The following CALM2 variants were observed in gnomAD, a reference collection of about 807,000 sequenced individuals.
CALM2 encodes calmodulin 2.
In CALM2, 2 loss-of-function variants were observed where a neutral mutation model predicts 19.8. The observed-to-expected ratio is 0.10, with a 90% CI of 0.04 to 0.32. CALM2 has a LOEUF of 0.32. Ranked by LOEUF, CALM2 falls within the 10% of genes least tolerant of loss-of-function variation. CALM2 has a pLI of 1.00. For missense variants in CALM2, 38 were observed against 178.7 expected, an observed-to-expected ratio of 0.21 and a Z score of 4.49; for synonymous variants, 51 against 52.1, an observed-to-expected ratio of 0.98 and a Z score of 0.09.
chr2:47,166,662 A>C (rs958535420), intron 2 of CALM2, among the ~76,000 whole-genome samples: 2 of 151,984 alleles, frequency 1.3e-5, no homozygotes, highest in Admixed American at 1.3e-4. Flanking sequence ...AAAATAATAA[A>C]CCCCAAAGTA....
chr2:47,174,740 CCTT>C lies in CALM2; in HGVS notation c.3+1698_3+1700del, dbSNP rs1666790740. Among the ~76,000 whole-genome samples the C allele has an allele frequency of 3.3e-5, 5 of 151,750 alleles. No homozygotes were observed. In the South Asian group the frequency reaches 1.0e-3, roughly 32 times the overall value. ...CAAAACTGATTAAAGAAAACTTTAC[CCTT>C]CGTTTATTTAAAAAAAAAAGCTTAC... On this transcript the variant is annotated intron_variant, in intron 1 of 5. Transcript: ENST00000272298.
At chr2:47,168,190 A>G (rs974550700) in intron 2 of CALM2, among the ~76,000 whole-genome samples, 1 of 152,152 alleles carries the variant, frequency 6.6e-6, no homozygotes, top group Non-Finnish European at 1.5e-5. Flanking sequence ...TTATTTTAGT[A>G]GCATAGAAGT....
chr2:47,176,627 C>T (rs1666885015), upstream of CALM2: 1 of 1,509,382 alleles, frequency 6.6e-7, no homozygotes, highest in Non-Finnish European at 8.9e-7. Flanking sequence ...TCCCCTCAAA[C>T]TCTTCTCGGG....
In CALM2 at chr2:47,160,238, A is replaced by T. The variant is rs1687114224; in HGVS notation, c.*538T>A. 6.5e-6 allele frequency: 1 copy of T among 152,684 alleles called. No homozygotes were observed. The highest frequency in any genetic ancestry group is 2.4e-5 in the African/African-American group (1 of 41,460). 9.5% of individuals were successfully genotyped at this position (152,684 alleles called of 1,614,324 possible). A position where few individuals can be genotyped will look rare whatever the true frequency, so the allele number is the denominator to read the frequency against. On this transcript the variant is annotated 3_prime_UTR_variant, in exon 6 of 6. Transcript: ENST00000272298. ...TGGATTTTGAGGCAAATTGTGCCAT[A>T]AGCAGATTTTAAGTGGCTAAACAAA... is the stretch of plus-strand genomic sequence containing the variant.
At chr2:47,174,707 T>G (rs1666789819) in intron 1 of CALM2, among the ~76,000 whole-genome samples, 1 of 152,052 alleles carries the variant, frequency 6.6e-6, no homozygotes, top group Non-Finnish European at 1.5e-5. Context: ...AATTACTGAT[T>G]CAATTATCAA....
chr2:47,174,442 T>A (rs543526487), intron 1 of CALM2, among the ~76,000 whole-genome samples: 1 of 152,260 alleles, frequency 6.6e-6, no homozygotes, highest in South Asian at 2.1e-4. Flanking sequence ...GGATTCCTAA[T>A]GTAAAATCTC....
At chr2:47,170,287 T>G (rs967010844) in intron 2 of CALM2, among the ~76,000 whole-genome samples, 1 of 152,242 alleles carries the variant, frequency 6.6e-6, no homozygotes, top group African/African-American at 2.4e-5. Flanking sequence ...TGACTGATTA[T>G]ATATGCAATT....
chr2:47,161,176 G>A (rs558521197), intron 5 of CALM2, among the ~76,000 whole-genome samples: 1 of 152,190 alleles, frequency 6.6e-6, no homozygotes, highest in South Asian at 2.1e-4. Flanking sequence ...TCTAAGTTAA[G>A]TAGTTACATC....
chr2:47,162,435 T>C (rs1467813529), intron 3 of CALM2, 43 bp from the exon 4 acceptor site: 3 of 1,605,766 alleles, frequency 1.9e-6, no homozygotes, highest in Admixed American at 1.7e-5. Context: ...AGTGGAAACA[T>C]ATAAGCAAAC....
intron 3 of CALM2, 59 bp downstream of exon 3, chr2:47,162,460 G>A: frequency 3.7e-6 from 6 of 1,610,294 alleles, no homozygotes; most frequent in South Asian, 1.1e-5. Flanking sequence ...AAGGTTTAGT[G>A]GAAACATCTA....
At chr2:47,173,256 T>C (rs997487923) in intron 1 of CALM2, 4 of 152,090 alleles carry the variant, frequency 2.6e-5, no homozygotes, top group African/African-American at 9.7e-5. Flanking sequence ...TTCCAGGGAG[T>C]GCCATTTTCT....
At chr2:47,164,116 T>C (rs1666369149) in intron 2 of CALM2, among the ~76,000 whole-genome samples, 1 of 151,540 alleles carries the variant, frequency 6.6e-6, no homozygotes, top group African/African-American at 2.4e-5. Flanking sequence ...CGGGCGCCTA[T>C]AGTCCCAGCT....
At chr2:47,175,595 C>A (rs1666831329) in intron 1 of CALM2, among the ~76,000 whole-genome samples, 1 of 152,116 alleles carries the variant, frequency 6.6e-6, no homozygotes, top group East Asian at 1.9e-4. Flanking sequence ...TTAAAGCATC[C>A]GGCCTGGGTG....
chr2:47,163,158 C>G (rs1687208443), intron 2 of CALM2: 1 of 154,574 alleles, frequency 6.5e-6, no homozygotes, highest in African/African-American at 2.4e-5. Flanking sequence ...TAAACTGTTT[C>G]TGTATACTGT....
chr2:47,168,222 C>CT (rs1413128110), intron 2 of CALM2, among the ~76,000 whole-genome samples: 1 of 152,128 alleles, frequency 6.6e-6, no homozygotes. Flanking sequence ...TGCCCTAAAT[C>CT]TTAACTGAAA....
chr2:47,164,157 G>C (rs1249665715), intron 2 of CALM2, among the ~76,000 whole-genome samples: 7 of 150,514 alleles, frequency 4.7e-5, no homozygotes, highest in Non-Finnish European at 7.4e-5. Context: ...AGAATGGCGT[G>C]AACCTGGGAG....
rs758528730 is a variant in CALM2 at position 47,176,483 on chromosome 2, C to A, written c.-40G>T. ...CGGTTTCCGAGACGCGACCACACAA[C>A]CACTCAGCTCGCTCTCTCCACTCGG... On this transcript the variant is annotated 5_prime_UTR_variant, in exon 1 of 6. Coordinates refer to ENST00000272298, the MANE Select transcript of CALM2 (RefSeq NM_001743.6). 26 of 1,613,340 alleles carry A rather than the reference C, an allele frequency of 1.6e-5. 1 individual carries two copies. Among genetic ancestry groups the A allele is most frequent in the South Asian group, 6.6e-5 (6 of 90,902 alleles).
intron 1 of CALM2, chr2:47,172,351 C>G: frequency 4.2e-6 from 2 of 472,216 alleles, no homozygotes; most frequent in Admixed American, 2.5e-5. Context: ...GCTGTGTGAC[C>G]TTGGACGTGG....
At chr2:47,176,348 G>T in intron 1 of CALM2, 93 bp downstream of exon 1, 1 of 1,476,706 alleles carries the variant, frequency 6.8e-7, no homozygotes, top group Non-Finnish European at 9.3e-7. Flanking sequence ...ACTCCTTGAA[G>T]GTGTAAGGGA....
Sources: allele counts gnomAD v4.1 joint callset (sites outside exome capture counted in the v4.1 genomes callset), GRCh38; gene constraint gnomAD v4.1.1; transcripts MANE v1.5; gene names NCBI Gene and HGNC (gene_info 2026-07-23, HGNC 2026-07-21).